Variants in PMFBP1 observed in about 807,000 individuals in gnomAD.
The protein encoded by PMFBP1 is polyamine modulated factor 1 binding protein 1, also known as polyamine-modulated factor 1-binding protein 1.
PMFBP1 carries 131 observed loss-of-function variants against 137.8 expected under a neutral mutation model. The ratio of observed to expected loss-of-function variants is 0.95; its 90% CI spans 0.82 to 1.10. The LOEUF is 1.10. PMFBP1 is among the 50% of genes least tolerant of loss of function. The pLI, the probability that PMFBP1 is intolerant of heterozygous loss-of-function variation, is 0.00. For missense variants in PMFBP1, 1,199 were observed against 1,175.4 expected, an observed-to-expected ratio of 1.02 and a Z score of -0.29; for synonymous variants, 490 against 450.4, an observed-to-expected ratio of 1.09 and a Z score of -1.11.
chr16:72,118,759 T>C (rs2144206291), downstream of PMFBP1, among the ~76,000 whole-genome samples: 1 of 86,638 alleles, frequency 1.2e-5, no homozygotes, highest in African/African-American at 3.9e-5. Context: ...AGCCCGGTGG[T>C]GGGCGGGGGG....
the PMFBP1 span, among the ~76,000 whole-genome samples, chr16:72,206,816 AG>A: frequency 6.6e-6 from 1 of 152,210 alleles, no homozygotes; most frequent in South Asian, 2.1e-4. Flanking sequence ...CCTCCCTAAA[AG>A]TTTTATAGTG....
rs779572265 is a variant in PMFBP1, at chr16:72,164,777, A to C, written c.152T>G (p.Met51Arg). The C allele has an allele frequency of 1.3e-6, 2 of 1,592,808 alleles. No individual in the cohort carries two copies. The highest frequency in any genetic ancestry group is 1.7e-5 in the Admixed American group (1 of 59,228). The change falls in exon 3 of 21, where the codon ATG (methionine) becomes AGG (arginine). Residue 51 changes from methionine (M) to arginine (R), a missense_variant. Met to Arg is a moderately conservative substitution (Grantham distance 91). Coordinates refer to ENST00000237353, the MANE Select transcript of PMFBP1 (RefSeq NM_031293.3). ...QDNQLCMEEAMNSSHDKKQAQ... is the reference protein window; with the variant it reads ...QDNQLCMEEARNSSHDKKQAQ... ...CAAGTCCCTTACGTGGCTGCTGTTC[A>C]TTGCCTCCTCCATGCAGAGCTGATT...
At chr16:72,206,958 G>A in the PMFBP1 span, among the ~76,000 whole-genome samples, 3 of 152,270 alleles carry the variant, frequency 2.0e-5, no homozygotes, top group African/African-American at 7.2e-5. Context: ...AGAGTTGGAA[G>A]GAATACAAGC....
the PMFBP1 span, among the ~76,000 whole-genome samples, chr16:72,231,962 A>G: frequency 1.3e-5 from 2 of 152,138 alleles, no homozygotes; most frequent in African/African-American, 4.8e-5. Context: ...AGATGGAAAC[A>G]TTTTGGCTAT....
intron 2 of PMFBP1, among the ~76,000 whole-genome samples, chr16:72,170,474 G>C (rs146108504): frequency 6.6e-6 from 1 of 152,228 alleles, no homozygotes; most frequent in African/African-American, 2.4e-5. Context: ...TTGTCGCCCC[G>C]GCTGGAATGC....
the PMFBP1 span, among the ~76,000 whole-genome samples, chr16:72,195,301 A>C: frequency 1.3e-5 from 2 of 150,568 alleles, no homozygotes; most frequent in African/African-American, 2.4e-5. Context: ...GGCTCCTCCT[A>C]CCTCATCTTC....
chr16:72,135,883 T>C (rs1462531262), intron 9 of PMFBP1, among the ~76,000 whole-genome samples: 1 of 150,688 alleles, frequency 6.6e-6, no homozygotes, highest in African/African-American at 2.4e-5. Flanking sequence ...GCCTCCCAAG[T>C]AGCTGGGACT....
the PMFBP1 span, among the ~76,000 whole-genome samples, chr16:72,204,425 AC>A: frequency 2.0e-5 from 3 of 150,592 alleles, no homozygotes; most frequent in Admixed American, 6.6e-5. Flanking sequence ...TGGTCTCAAA[AC>A]TCCTGGGCTC....
At chr16:72,243,160 T>G in the PMFBP1 span, among the ~76,000 whole-genome samples, 1 of 152,220 alleles carries the variant, frequency 6.6e-6, no homozygotes, top group Non-Finnish European at 1.5e-5. Context: ...CTTTGAATTG[T>G]GTACTTAGGT....
the PMFBP1 span, among the ~76,000 whole-genome samples, chr16:72,191,870 G>A: frequency 6.6e-6 from 1 of 152,214 alleles, no homozygotes; most frequent in African/African-American, 2.4e-5. Context: ...GGGGACATGA[G>A]AACCCGATTT....
chr16:72,164,679 G>T, intron 3 of PMFBP1, 85 bp downstream of exon 3: 1 of 1,486,996 alleles, frequency 6.7e-7, no homozygotes. Context: ...ATGAACAGTG[G>T]AAGAACTTTC....
chr16:72,231,563 A>G, the PMFBP1 span, among the ~76,000 whole-genome samples: 2 of 152,200 alleles, frequency 1.3e-5, no homozygotes, highest in African/African-American at 4.8e-5. Flanking sequence ...GGTGTTTTAG[A>G]TTAGTGATTC....
At chr16:72,182,370 C>T in the PMFBP1 span, among the ~76,000 whole-genome samples, 3 of 152,142 alleles carry the variant, frequency 2.0e-5, no homozygotes, top group Non-Finnish European at 2.9e-5. Context: ...GTGGTGCACA[C>T]CTGTAATCCT....
downstream of PMFBP1, among the ~76,000 whole-genome samples, chr16:72,117,949 G>A (rs532204347): frequency 6.6e-6 from 1 of 152,236 alleles, no homozygotes; most frequent in South Asian, 2.1e-4. Context: ...GTAATATGTC[G>A]ATGTTTTTCT....
chr16:72,124,367 C>T (rs896063531), intron 17 of PMFBP1, among the ~76,000 whole-genome samples: 8 of 152,204 alleles, frequency 5.3e-5, no homozygotes, highest in Non-Finnish European at 1.2e-4. Context: ...AGCTGTCCTG[C>T]GGCCTCCTGC....
At chr16:72,135,359 GTTTT>G (rs869071984) in intron 9 of PMFBP1, among the ~76,000 whole-genome samples, 16 of 131,498 alleles carry the variant, frequency 1.2e-4, no homozygotes, top group South Asian at 9.6e-4. Context: ...GTGTGTGTGT[GTTTT>G]TTTTTTTTTT....
At chr16:72,141,413 A>C (rs2042720502) in intron 5 of PMFBP1, among the ~76,000 whole-genome samples, 1 of 152,238 alleles carries the variant, frequency 6.6e-6, no homozygotes, top group East Asian at 1.9e-4. Context: ...CACTACAGGC[A>C]GATCTGAATT....
the PMFBP1 span, among the ~76,000 whole-genome samples, chr16:72,205,914 C>T: frequency 2.0e-5 from 3 of 152,118 alleles, no homozygotes; most frequent in Non-Finnish European, 4.4e-5. Context: ...TGTTCTACTG[C>T]TCTAGGGTCA....
chr16:72,168,621 T>C lies in PMFBP1; in HGVS notation c.12+2576A>G, dbSNP rs16970643. Among the ~76,000 whole-genome samples the C allele has an allele frequency of 8.4e-3, 1,273 of 152,280 alleles. 14 individuals carry two copies. The highest frequency in any genetic ancestry group is 0.029 in the African/African-American group (1,200 of 41,556). On this transcript the variant is annotated intron_variant, in intron 2 of 20. Transcript: ENST00000237353. ...AGGCACCATCTGATCTTGTCCTGGA[T>C]CTGAAGTCATTAACAATGGCTGAAA...
Sources: allele counts gnomAD v4.1 joint callset (sites outside exome capture counted in the v4.1 genomes callset), GRCh38; gene constraint gnomAD v4.1.1; transcripts MANE v1.5; gene names NCBI Gene and HGNC (gene_info 2026-07-23, HGNC 2026-07-21).